The following OR4K17 variants were observed in gnomAD, a reference collection of about 807,000 sequenced individuals.
OR4K17 encodes olfactory receptor 4K17.
For synonymous variants in OR4K17, 157 were observed against 132.8 expected (o/e 1.18, Z -1.25); for missense variants, 480 against 366.3 (o/e 1.31, Z -2.53).
chr14:20,111,236 T>C (rs1473397558), intron 1 of OR4K17, among the ~76,000 whole-genome samples: 1 of 151,932 alleles, frequency 6.6e-6, no homozygotes, highest in African/African-American at 2.4e-5. Flanking sequence ...ACTAAAATAG[T>C]TCACAAACTT....
chr14:20,115,830 T>A (rs1877979435), intron 1 of OR4K17, among the ~76,000 whole-genome samples: 1 of 152,068 alleles, frequency 6.6e-6, no homozygotes, highest in Non-Finnish European at 1.5e-5. Flanking sequence ...GCAAAGATAA[T>A]GTCACAATTT....
At position 20,117,590 on chromosome 14, in the gene OR4K17, T is replaced by C; in HGVS notation, c.91T>C (p.Phe31Leu). 1 of 1,614,010 alleles carries C rather than the reference T, an allele frequency of 6.2e-7. No individual in the cohort carries two copies. The highest frequency in any genetic ancestry group is 1.3e-5 in the African/African-American group (1 of 75,016). ...QDVEFLLFALFSVIYVVTVLG... is the reference protein window; with the variant it reads ...QDVEFLLFALLSVIYVVTVLG... Reference sequence around the variant, plus strand: ...TGTAGAGTTTCTTCTCTTTGCCCTCTTCTCGGTTATCTATGTGGTCACAGT... The same window carrying C: ...TGTAGAGTTTCTTCTCTTTGCCCTCCTCTCGGTTATCTATGTGGTCACAGT... Residue 31 changes from phenylalanine to leucine, a missense_variant, in exon 2 of 2, where the codon TTC becomes CTC. Phe to Leu is a conservative substitution (Grantham distance 22, BLOSUM62 0). Transcript: ENST00000641386.
rs1305572327 is a variant in OR4K17, at chr14:20,120,060, C to T, written c.*1622C>T. The T allele has an allele frequency of 6.6e-6, 1 of 152,050 alleles. No homozygotes were observed. The highest frequency in any genetic ancestry group is 1.5e-5 in the Non-Finnish European group (1 of 67,996). 9.4% of individuals were successfully genotyped at this position (152,050 alleles called of 1,614,324 possible). A position where few individuals can be genotyped will look rare whatever the true frequency, so the allele number is the denominator to read the frequency against. On this transcript the variant is annotated 3_prime_UTR_variant, in exon 2 of 2. Transcript: ENST00000641386. ...AAAAGGTGTCAGAGACTCACTTGTCCTTCAGAGGAGCTTGATAGATATGTA... is the reference window on the plus strand; with the variant it reads ...AAAAGGTGTCAGAGACTCACTTGTCTTTCAGAGGAGCTTGATAGATATGTA...
At chr14:20,114,440 C>A (rs1594194520) in intron 1 of OR4K17, among the ~76,000 whole-genome samples, 1 of 151,806 alleles carries the variant, frequency 6.6e-6, no homozygotes, top group Admixed American at 6.6e-5. Context: ...AATTTTTTAC[C>A]CATTGTTTGG....
At chr14:20,117,174 C>G (rs749578712) in intron 1 of OR4K17, among the ~76,000 whole-genome samples, 7 of 152,178 alleles carry the variant, frequency 4.6e-5, no homozygotes, top group Admixed American at 1.3e-4. Flanking sequence ...CAGAAAGTCA[C>G]AGATTTCCTG....
At chr14:20,113,572 T>C (rs1877925744) in intron 1 of OR4K17, among the ~76,000 whole-genome samples, 2 of 152,108 alleles carry the variant, frequency 1.3e-5, no homozygotes, top group Admixed American at 1.3e-4. Context: ...TTTGTCTAAG[T>C]TGTATTATTT....
intron 1 of OR4K17, among the ~76,000 whole-genome samples, chr14:20,113,957 T>C (rs1395884249): frequency 6.6e-6 from 1 of 152,030 alleles, no homozygotes; most frequent in African/African-American, 2.4e-5. Context: ...ATCCATTTGT[T>C]CATAAGTAAA....
At chr14:20,116,708 T>C (rs2139055356) in intron 1 of OR4K17, among the ~76,000 whole-genome samples, 1 of 152,306 alleles carries the variant, frequency 6.6e-6, no homozygotes, top group Non-Finnish European at 1.5e-5. Flanking sequence ...TGTTAGAATG[T>C]GACAAGGCCA....
In OR4K17 at chr14:20,117,992, A is replaced by C; in HGVS notation, c.493A>C (p.Asn165His). The change falls in exon 2 of 2, where the codon AAC (asparagine) becomes CAC (histidine). Residue 165 changes from asparagine (N) to histidine (H), a missense_variant. Physicochemically the swap from Asn to His is moderately conservative, Grantham distance 68 (BLOSUM62 1). Transcript: ENST00000641386. Reference sequence around the variant, plus strand: ...AGGGTTTCAGATACCATTTGCTGTGAACTTGCCCTTTTGTGGTCCCAATGT... The same window carrying C: ...AGGGTTTCAGATACCATTTGCTGTGCACTTGCCCTTTTGTGGTCCCAATGT... Reference protein sequence around the residue: ...HSGFQIPFAVNLPFCGPNVVD... With the variant: ...HSGFQIPFAVHLPFCGPNVVD... 1 of 1,614,110 alleles carries C rather than the reference A, an allele frequency of 6.2e-7. No homozygotes were observed. The highest frequency in any genetic ancestry group is 1.1e-5 in the South Asian group (1 of 91,060).
chr14:20,114,391 G>A (rs1566551511), intron 1 of OR4K17, among the ~76,000 whole-genome samples: 1 of 151,928 alleles, frequency 6.6e-6, no homozygotes, highest in Admixed American at 6.6e-5. Context: ...CCAATTTGGA[G>A]TTAATTTTTG....
intron 1 of OR4K17, among the ~76,000 whole-genome samples, chr14:20,116,322 T>A (rs1349078128): frequency 6.6e-6 from 1 of 152,124 alleles, no homozygotes; most frequent in Non-Finnish European, 1.5e-5. Context: ...TTCTGCATAA[T>A]CTGTCTCACA....
At chr14:20,117,259 C>A (rs1878014414) in intron 1 of OR4K17, 1 of 587,296 alleles carries the variant, frequency 1.7e-6, no homozygotes, top group Non-Finnish European at 2.9e-6. Flanking sequence ...TTCTGGGAAA[C>A]CAACAGCATC....
At chr14:20,112,795 A>G (rs1219808063) in intron 1 of OR4K17, among the ~76,000 whole-genome samples, 1 of 152,044 alleles carries the variant, frequency 6.6e-6, no homozygotes, top group Non-Finnish European at 1.5e-5. Flanking sequence ...CGAGAGGCAA[A>G]ATCATGTTAG....
In OR4K17 at chr14:20,118,539, T is replaced by G; in HGVS notation, c.*101T>G. ...GGAACCAGCCCCCAATATTTCAACA[T>G]AGGTTCTTTTCTATTTTCCCTAAGT... On this transcript the variant is annotated 3_prime_UTR_variant, in exon 2 of 2. Coordinates refer to ENST00000641386, the MANE Select transcript of OR4K17 (RefSeq NM_001004715.5). The G allele has an allele frequency of 1.5e-6, 1 of 661,562 alleles. No homozygotes were observed. The highest frequency in any genetic ancestry group is 2.5e-6 in the Non-Finnish European group (1 of 392,498). 41.0% of individuals were successfully genotyped at this position (661,562 alleles called of 1,614,324 possible).
intron 1 of OR4K17, among the ~76,000 whole-genome samples, chr14:20,116,687 T>C (rs1878000352): frequency 6.6e-6 from 1 of 152,200 alleles, no homozygotes; most frequent in Non-Finnish European, 1.5e-5. Context: ...TCCTCTGTAA[T>C]ATGTGGCTCT....
intron 1 of OR4K17, among the ~76,000 whole-genome samples, chr14:20,115,043 C>T (rs922739830): frequency 6.6e-6 from 1 of 152,030 alleles, no homozygotes; most frequent in Non-Finnish European, 1.5e-5. Context: ...CCACTGATTG[C>T]TTACAGGACT....
chr14:20,112,824 A>G (rs1297681011), intron 1 of OR4K17, among the ~76,000 whole-genome samples: 1 of 152,076 alleles, frequency 6.6e-6, no homozygotes, highest in Non-Finnish European at 1.5e-5. Context: ...CTGAATTTCA[A>G]ATTATTTCAG....
intron 1 of OR4K17, among the ~76,000 whole-genome samples, chr14:20,114,569 T>C (rs2139053966): frequency 6.6e-6 from 1 of 152,168 alleles, no homozygotes; most frequent in Non-Finnish European, 1.5e-5. Flanking sequence ...GGAAGATCAG[T>C]CTTAATTCTG....
Position 20,117,655 on chromosome 14 carries a change from C to T in OR4K17, c.156C>T (p.Thr52=), listed in dbSNP as rs769129507. 5.6e-6 allele frequency: 9 copies of T among 1,613,702 alleles called. No homozygotes were observed. In the Admixed American group the frequency reaches 1.0e-4, roughly 18 times the overall value. The stretch of plus-strand genomic sequence containing the variant: ...TTATTATAGTCACAGTGTTTAACAC[C>T]CCTAACCTGAATACTCCCATGTATT... The part of the protein sequence containing the change: ...NLLIIVTVFN[T]PNLNTPMYFL... Residue 52 remains threonine, a synonymous_variant, in exon 2 of 2, where the codon ACC becomes ACT. Transcript: ENST00000641386.
Sources: gnomAD v4.1 joint callset for allele counts (sites outside exome capture counted in the v4.1 genomes callset) on GRCh38, gnomAD v4.1.1 for gene constraint, MANE v1.5 for transcripts, NCBI Gene and HGNC (gene_info 2026-07-23, HGNC 2026-07-21) for gene names.